Variants in TWIST1 observed in about 807,000 individuals in gnomAD.
The protein encoded by TWIST1 is twist-related protein 1.
In TWIST1, 8 loss-of-function variants were observed where a neutral mutation model predicts 12.9. The ratio of observed to expected loss-of-function variants is 0.62; its 90% confidence interval spans 0.37 to 1.12. The LOEUF (loss-of-function observed/expected upper bound fraction) is 1.12. TWIST1 is among the 50% of genes most tolerant of loss of function. The probability of loss-of-function intolerance (pLI) is 0.02; values close to 1 mark genes in which losing one functional copy is unlikely to be tolerated. For synonymous variants in TWIST1, 169 were observed against 138.7 expected (o/e 1.22, Z -1.54); for missense variants, 268 against 299.7 (o/e 0.89, Z 0.78).
At chr7:19,113,628 CAAAATA>C (rs1788512334), downstream of TWIST1, 1 of 152,086 alleles carries the variant, frequency 6.6e-6, no homozygotes, top group Admixed American at 6.5e-5. Context: ...TCGCCTCATT[CAAAATA>C]AAATTACCAC....
At chr7:19,114,166 A>G (rs1788523179), downstream of TWIST1, 1 of 152,174 alleles carries the variant, frequency 6.6e-6, no homozygotes, top group Non-Finnish European at 1.5e-5. Flanking sequence ...AGGACTATCA[A>G]AATAAAAAAA....
downstream of TWIST1, chr7:19,113,866 A>G (rs1427735980): frequency 6.6e-6 from 1 of 152,176 alleles, no homozygotes; most frequent in East Asian, 1.9e-4. Flanking sequence ...CAGAGTTAAG[A>G]TAACAATTAC....
chr7:19,117,022 C>T lies in TWIST1; in HGVS notation c.300G>A (p.Pro100=). ...GGGSSSGGGS[P]QSYEELQTQR... is the part of the protein sequence containing the mutation. ...GCGTCTGCAGCTCCTCGTAAGACTG[C>T]GGACTCCCGCCGCCGCTGCTGCTGC... Residue 100 remains proline, a synonymous_variant, in exon 1 of 2, where the codon CCG becomes CCA. Coordinates refer to ENST00000242261, the MANE Select transcript of TWIST1 (RefSeq NM_000474.4). 3 of 1,526,266 alleles carry T rather than the reference C, an allele frequency of 2.0e-6. No individual in the cohort carries two copies. The highest frequency in any genetic ancestry group is 1.3e-5 in the South Asian group (1 of 79,996). The allele number at this position is 1,526,266 out of a possible 1,614,324, so 94.5% of individuals were successfully genotyped here. A position where few individuals can be genotyped will look rare whatever the true frequency, so the allele number is the denominator to read the frequency against.
chr7:19,114,546 T>C (rs1440079161), downstream of TWIST1, among the ~76,000 whole-genome samples: 1 of 152,236 alleles, frequency 6.6e-6, no homozygotes, highest in Non-Finnish European at 1.5e-5. Context: ...AGTATGTTCC[T>C]GGCCCACAAA....
Position 19,116,690 on chromosome 7 carries a change from G to A in TWIST1, c.*23C>T, listed in dbSNP as rs1260558809. The A allele has an allele frequency of 1.9e-6, 3 of 1,584,436 alleles. No individual in the cohort carries two copies. Among genetic ancestry groups the A allele is most frequent in the Non-Finnish European group, 2.6e-6 (3 of 1,166,528 alleles). On this transcript the variant is annotated 3_prime_UTR_variant, in exon 1 of 2. Transcript: ENST00000242261. Reference sequence around the variant, plus strand: ...CCTTACCTAGGTCTCCGGCCCTGCTGAGGGGGTGGGGGGCTCCGCCTGCTA... The same window carrying A: ...CCTTACCTAGGTCTCCGGCCCTGCTAAGGGGGTGGGGGGCTCCGCCTGCTA...
chr7:19,117,025 A>G lies in TWIST1; in HGVS notation c.297T>C (p.Ser99=). The part of the protein sequence containing the change: ...GGGGSSSGGG[S]PQSYEELQTQ... Reference sequence around the variant, plus strand: ...TCTGCAGCTCCTCGTAAGACTGCGGACTCCCGCCGCCGCTGCTGCTGCCGC... The same window carrying G: ...TCTGCAGCTCCTCGTAAGACTGCGGGCTCCCGCCGCCGCTGCTGCTGCCGC... Residue 99 remains serine, a synonymous_variant, in exon 1 of 2, where the codon AGT becomes AGC. Transcript: ENST00000242261. The G allele has an allele frequency of 6.6e-7, 1 of 1,511,454 alleles. No homozygotes were observed. Among genetic ancestry groups the G allele is most frequent in the Non-Finnish European group, 8.8e-7 (1 of 1,140,094 alleles). The allele number at this position is 1,511,454 out of a possible 1,614,324, so 93.6% of individuals were successfully genotyped here.
rs1256066594 is a variant in TWIST1, at chr7:19,117,373, G to A, written c.-52C>T. The A allele has an allele frequency of 2.2e-5, 30 of 1,373,476 alleles. No individual in the cohort carries two copies. Among genetic ancestry groups the A allele is most frequent in the Non-Finnish European group, 2.3e-5 (24 of 1,056,376 alleles). 85.1% of individuals were successfully genotyped at this position (1,373,476 alleles called of 1,614,324 possible). A position where few individuals can be genotyped will look rare whatever the true frequency, so the allele number is the denominator to read the frequency against. ...CGGGCCCGGGGCAGAGGAGAAGAGC[G>A]GGGCGCCTCAGCCCGCCAGCTTCCC... On this transcript the variant is annotated 5_prime_UTR_variant, in exon 1 of 2. Coordinates refer to ENST00000242261, the MANE Select transcript of TWIST1 (RefSeq NM_000474.4).
chr7:19,113,372 G>T (rs942658031), downstream of TWIST1: 1 of 152,194 alleles, frequency 6.6e-6, no homozygotes, highest in African/African-American at 2.4e-5. Flanking sequence ...GAAAGCCTTA[G>T]CTTCTTATTT....
downstream of TWIST1, chr7:19,113,056 C>T (rs1788501319): frequency 6.6e-6 from 1 of 152,144 alleles, no homozygotes; most frequent in African/African-American, 2.4e-5. Flanking sequence ...GTTTCTGCTC[C>T]TTAACATTAT....
chr7:19,117,333 C>A lies in TWIST1; in HGVS notation c.-12G>T. ...ACGTCCTGCATCATCTCTCGAGCGG[C>A]GACGCGTGGCCTCGCGGGCCCGGGG... On this transcript the variant is annotated 5_prime_UTR_variant, in exon 1 of 2. Transcript: ENST00000242261. 6.9e-7 allele frequency: 1 copy of A among 1,454,630 alleles called. No homozygotes were observed. The highest frequency in any genetic ancestry group is 9.1e-7 in the Non-Finnish European group (1 of 1,104,714). The allele number at this position is 1,454,630 out of a possible 1,614,324, so 90.1% of individuals were successfully genotyped here. A position where few individuals can be genotyped will look rare whatever the true frequency, so the allele number is the denominator to read the frequency against.
At chr7:19,116,574 G>A in intron 1 of TWIST1, 97 bp downstream of exon 1, 1 of 975,876 alleles carries the variant, frequency 1.0e-6, no homozygotes, top group Non-Finnish European at 1.5e-6. Context: ...CGGAGAGTGG[G>A]AGAGGGGAGG....
chr7:19,116,496 G>A (rs1290901436), intron 1 of TWIST1, among the ~76,000 whole-genome samples, 175 bp downstream of exon 1: 1 of 152,186 alleles, frequency 6.6e-6, no homozygotes, highest in Admixed American at 6.5e-5. Context: ...CCCTAGCGGG[G>A]TCAGACCGGC....
chr7:19,117,054 C>T lies in TWIST1; in HGVS notation c.268G>A (p.Gly90Ser), dbSNP rs1160054875. The T allele has an allele frequency of 7.1e-7, 1 of 1,406,480 alleles. No homozygotes were observed. The allele number at this position is 1,406,480 out of a possible 1,614,324, so 87.1% of individuals were successfully genotyped here. Residue 90 changes from glycine to serine, a missense_variant, in exon 1 of 2, where the codon GGC (glycine) becomes AGC (serine). Physicochemically the swap from Gly to Ser is moderately conservative, Grantham distance 56. Coordinates refer to ENST00000242261, the MANE Select transcript of TWIST1 (RefSeq NM_000474.4). ...GCGGGGGAGGGGGSSSGGGSP... is the reference protein window; with the variant it reads ...GCGGGGGAGGSGGSSSGGGSP... ...CCGCCGCCGCTGCTGCTGCCGCCGC[C>T]GCCGCCCGCGCCGCCGCCGCCGCCA...
downstream of TWIST1, chr7:19,113,512 T>C (rs1356316886): frequency 6.6e-6 from 1 of 152,218 alleles, no homozygotes; most frequent in African/African-American, 2.4e-5. Flanking sequence ...TTCATTTCTA[T>C]TCTAAAAAAG....
intron 1 of TWIST1, among the ~76,000 whole-genome samples, chr7:19,116,350 G>T (rs1788565215): frequency 6.6e-6 from 1 of 152,220 alleles, no homozygotes; most frequent in Admixed American, 6.5e-5. Context: ...AACAAAAATT[G>T]AAAGCCGAAA....
Position 19,117,123 on chromosome 7 carries a change from C to A in TWIST1, c.199G>T (p.Gly67Cys). ...GGGVGGGDEP[G>C]SPAQGKRGKK... ...CCGCGCTTGCCCTGGGCCGGGCTGC[C>A]CGGCTCGTCGCCGCCTCCGACGCCC... Residue 67 changes from glycine to cysteine, a missense_variant, in exon 1 of 2, where the codon GGC becomes TGC. Coordinates refer to ENST00000242261, the MANE Select transcript of TWIST1 (RefSeq NM_000474.4). 8.7e-7 allele frequency: 1 copy of A among 1,149,260 alleles called. No homozygotes were observed. The highest frequency in any genetic ancestry group is 1.1e-6 in the Non-Finnish European group (1 of 936,442). The allele number at this position is 1,149,260 out of a possible 1,614,324, so 71.2% of individuals were successfully genotyped here.
At chr7:19,113,263 A>T (rs1302847636), downstream of TWIST1, 1 of 152,164 alleles carries the variant, frequency 6.6e-6, no homozygotes, top group Admixed American at 6.5e-5. Context: ...GGAAACATTA[A>T]ATTTTCTACA....
In TWIST1 at chr7:19,116,776, C is replaced by A. The variant is rs115322362; in HGVS notation, c.546G>T (p.Arg182=). Residue 182 remains arginine, a synonymous_variant, in exon 1 of 2, where the codon CGG becomes CGT. Transcript: ENST00000242261. The part of the protein sequence containing the change: ...MASCSYVAHE[R]LSYAFSVWRM... ...TCCAGACCGAGAAGGCGTAGCTGAG[C>A]CGCTCGTGAGCCACATAGCTGCAGC... 1.9e-6 allele frequency: 3 copies of A among 1,613,680 alleles called. No homozygotes were observed. The highest frequency in any genetic ancestry group is 2.7e-5 in the African/African-American group (2 of 74,930).
At position 19,117,351 on chromosome 7, in the gene TWIST1, G is replaced by T; in HGVS notation, c.-30C>A. ...CGAGCGGCGACGCGTGGCCTCGCGG[G>T]CCCGGGGCAGAGGAGAAGAGCGGGG... On this transcript the variant is annotated 5_prime_UTR_variant, in exon 1 of 2. Transcript: ENST00000242261. 1 of 1,429,934 alleles carries T rather than the reference G, an allele frequency of 7.0e-7. No homozygotes were observed. The highest frequency in any genetic ancestry group is 1.3e-5 in the South Asian group (1 of 74,632). 88.6% of individuals were successfully genotyped at this position (1,429,934 alleles called of 1,614,324 possible).
Sources: allele counts gnomAD v4.1 joint callset (sites outside exome capture counted in the v4.1 genomes callset), GRCh38; gene constraint gnomAD v4.1.1; transcripts MANE v1.5; gene names NCBI Gene and HGNC (gene_info 2026-07-23, HGNC 2026-07-21).